PDE8B: variants seen among roughly 807,000 people sequenced by gnomAD.
PDE8B encodes high affinity cAMP-specific and IBMX-insensitive 3',5'-cyclic phosphodiesterase 8B.
A neutral mutation model predicts 101.3 loss-of-function variants in PDE8B; 26 were observed. The ratio of observed to expected loss-of-function variants is 0.26; its 90% CI spans 0.19 to 0.36. PDE8B has a LOEUF of 0.36. Ranked by LOEUF, PDE8B falls within the 10% of genes least tolerant of loss-of-function variation. The probability of loss-of-function intolerance (pLI) is 1.00; values close to 1 mark genes in which losing one functional copy is unlikely to be tolerated. For synonymous variants in PDE8B, 424 were observed against 429.3 expected (o/e 0.99, Z 0.15); for missense variants, 810 against 1,163.1 (o/e 0.70, Z 4.42).
At chr5:77,351,921 C>G (rs1287926741) in intron 9 of PDE8B, among the ~76,000 whole-genome samples, 9 of 152,182 alleles carry the variant, frequency 5.9e-5, no homozygotes, top group African/African-American at 2.2e-4. Context: ...ACTCTTAGGA[C>G]TACCTGAGTT....
chr5:77,271,431 A>T (rs1420294878), intron 1 of PDE8B, among the ~76,000 whole-genome samples: 1 of 152,202 alleles, frequency 6.6e-6, no homozygotes, highest in Non-Finnish European at 1.5e-5. Flanking sequence ...CAAATGGTTA[A>T]GGAGTTGGGG....
chr5:77,212,745 C>G (rs1469601191), intron 1 of PDE8B, among the ~76,000 whole-genome samples: 2 of 152,064 alleles, frequency 1.3e-5, no homozygotes, highest in Non-Finnish European at 2.9e-5. Context: ...TTGTCAAGCT[C>G]TCTCTCTCTC....
At chr5:77,320,127 A>G (rs1172899070) in intron 2 of PDE8B, among the ~76,000 whole-genome samples, 1 of 152,142 alleles carries the variant, frequency 6.6e-6, no homozygotes, top group Admixed American at 6.5e-5. Flanking sequence ...ATAGCTTTAC[A>G]TGGTCATTTT....
At chr5:77,157,332 A>G in the PDE8B span, among the ~76,000 whole-genome samples, 2 of 152,230 alleles carry the variant, frequency 1.3e-5, no homozygotes, top group South Asian at 2.1e-4. Context: ...TGTCTGAAAC[A>G]TACTTGGAGG....
the PDE8B span, among the ~76,000 whole-genome samples, chr5:77,200,656 T>A: frequency 6.6e-6 from 1 of 152,212 alleles, no homozygotes. Flanking sequence ...CAAAGTGTGA[T>A]CCCTGAGTAA....
intron 1 of PDE8B, among the ~76,000 whole-genome samples, chr5:77,275,513 C>T (rs541123755): frequency 1.3e-5 from 2 of 152,214 alleles, no homozygotes; most frequent in Non-Finnish European, 2.9e-5. Flanking sequence ...GTAGGATTAT[C>T]AGCAAAGTGT....
At chr5:77,357,361 G>T (rs1339300147) in intron 10 of PDE8B, among the ~76,000 whole-genome samples, 1 of 152,170 alleles carries the variant, frequency 6.6e-6, no homozygotes, top group Non-Finnish European at 1.5e-5. Context: ...TTTAGCCATG[G>T]GTTGAGATGG....
chr5:77,186,354 A>G, the PDE8B span, among the ~76,000 whole-genome samples: 1 of 152,336 alleles, frequency 6.6e-6, no homozygotes, highest in African/African-American at 2.4e-5. Flanking sequence ...CCTTAAAATT[A>G]TTATCCTTGT....
chr5:77,342,966 G>A (rs1779480338), intron 6 of PDE8B, among the ~76,000 whole-genome samples: 2 of 152,202 alleles, frequency 1.3e-5, no homozygotes, highest in African/African-American at 2.4e-5. Flanking sequence ...GCCCAGTTAA[G>A]TTCTCTAATT....
intron 1 of PDE8B, among the ~76,000 whole-genome samples, chr5:77,307,290 A>T (rs1282960772): frequency 6.6e-6 from 1 of 151,710 alleles, no homozygotes; most frequent in Admixed American, 6.6e-5. Context: ...ATTCTTCACC[A>T]CCTGCCTGCC....
intron 10 of PDE8B, among the ~76,000 whole-genome samples, chr5:77,362,342 A>G (rs1783255684): frequency 6.6e-6 from 1 of 152,208 alleles, no homozygotes; most frequent in South Asian, 2.1e-4. Context: ...AGAAATAATA[A>G]GAACAGCCCA....
At chr5:77,183,129 A>ATT in the PDE8B span, among the ~76,000 whole-genome samples, 1,964 of 148,058 alleles carry the variant, frequency 0.013, 48 homozygotes, top group African/African-American at 0.046. Flanking sequence ...TATTATTATT[A>ATT]ATTATTTTGA....
the PDE8B span, chr5:77,145,118 A>C: frequency 1.3e-5 from 2 of 152,096 alleles, no homozygotes; most frequent in East Asian, 3.9e-4. Flanking sequence ...ATACTTCTAA[A>C]ATCACAAATA....
intron 1 of PDE8B, chr5:77,290,845 C>A: frequency 6.4e-7 from 1 of 1,552,520 alleles, no homozygotes; most frequent in Non-Finnish European, 8.9e-7. Context: ...AAAGGAGCTC[C>A]AACCACTTCC....
chr5:77,127,793 T>A, the PDE8B span, among the ~76,000 whole-genome samples: 1 of 152,180 alleles, frequency 6.6e-6, no homozygotes, highest in Non-Finnish European at 1.5e-5. Context: ...TCCTAGAGGA[T>A]GAAAATTAAT....
Position 77,214,391 on chromosome 5 carries a change from A to G in PDE8B, c.339+3127A>G, listed in dbSNP as rs1561355687. Among the ~76,000 whole-genome samples the G allele has an allele frequency of 2.0e-5, 3 of 152,320 alleles. No individual in the cohort carries two copies. In the South Asian group the frequency reaches 6.2e-4, roughly 32 times the overall value. On this transcript the variant is annotated intron_variant, in intron 1 of 21. Transcript: ENST00000264917. ...ATCACCAGCTCCCCGTTTTCCCTCCATTCATACAGAATGTGCTCATTTGTT... is the reference window on the plus strand; with the variant it reads ...ATCACCAGCTCCCCGTTTTCCCTCCGTTCATACAGAATGTGCTCATTTGTT...
At chr5:77,092,286 T>C in the PDE8B span, among the ~76,000 whole-genome samples, 28 of 152,180 alleles carry the variant, frequency 1.8e-4, no homozygotes, top group African/African-American at 5.8e-4. Flanking sequence ...TTTCGTGTAA[T>C]CAGAAATCTC....
At chr5:77,210,566 AGCTGGGCGGCGGCGGGGGCCGC>A (rs1748029749), upstream of PDE8B, 1 of 928,782 alleles carries the variant, frequency 1.1e-6, no homozygotes, top group South Asian at 4.8e-5. This position sits in a 1 kb window ranked among gnomAD's most constrained non-coding sequence, Gnocchi z 4.9. Context: ...GGCGAGGTCG[AGCTGGGCGGCGGCGGGGGCCGC>A]GCCGAGGGAG....
the PDE8B span, among the ~76,000 whole-genome samples, chr5:77,092,241 A>G: frequency 6.6e-6 from 1 of 152,164 alleles, no homozygotes; most frequent in African/African-American, 2.4e-5. Flanking sequence ...TTGTGAGTCA[A>G]TGCTTAAATT....
Sources: allele counts gnomAD v4.1 joint callset (sites outside exome capture counted in the v4.1 genomes callset), GRCh38; gene constraint gnomAD v4.1.1; non-coding constraint Gnocchi (gnomAD v3.1); transcripts MANE v1.5; gene names NCBI Gene and HGNC (gene_info 2026-07-23, HGNC 2026-07-21).